HSPG2: variants seen among roughly 807,000 people sequenced by gnomAD.
HSPG2 encodes heparan sulfate proteoglycan 2.
HSPG2 carries 278 observed loss-of-function variants against 526.6 expected under a neutral mutation model. The ratio of observed to expected loss-of-function variants is 0.53; its 90% CI spans 0.48 to 0.58. HSPG2 has a LOEUF of 0.58. Ranked by LOEUF, HSPG2 falls within the 20% of genes least tolerant of loss-of-function variation. The pLI is 0.00. For synonymous variants in HSPG2, 2,465 were observed against 2,555.4 expected, an observed-to-expected ratio of 0.96 and a Z score of 1.07; for missense variants, 5,354 against 6,099.5, an observed-to-expected ratio of 0.88 and a Z score of 4.07.
Position 21,864,319 on chromosome 1 carries a change from C to G in HSPG2, c.4627-106G>C. On this transcript the variant is annotated intron_variant, in intron 36 of 96. Coordinates refer to ENST00000374695, the MANE Select transcript of HSPG2 (RefSeq NM_005529.7). This position sits in a 1 kb window ranked among gnomAD's most constrained non-coding sequence, Gnocchi z 4.8. ...TGTCCTCCCAGGGGTGACCCTGGAA[C>G]ATCACAGGCCGGCGCCCCTCCTTCC... The G allele has an allele frequency of 1.1e-6, 1 of 920,972 alleles. No homozygotes were observed. 57.1% of individuals were successfully genotyped at this position (920,972 alleles called of 1,614,324 possible).
At chr1:21,833,990 C>T (rs2098015878) in intron 77 of HSPG2, 65 bp from the exon 78 acceptor site, 3 of 1,080,752 alleles carry the variant, frequency 2.8e-6, no homozygotes, top group African/African-American at 1.6e-5. Flanking sequence ...CCAGCCTGCA[C>T]CCTGATTCAT....
At position 21,848,732 on chromosome 1, in the gene HSPG2, T is replaced by C. The variant is rs746695036; in HGVS notation, c.7648A>G (p.Thr2550Ala). 6.8e-6 allele frequency: 11 copies of C among 1,613,488 alleles called. No individual in the cohort carries two copies. Among genetic ancestry groups the C allele is most frequent in the Admixed American group, 1.7e-5 (1 of 59,966 alleles). ...GCAACCAGGCAGTTGAGGTCCAGGG[T>C]GTGTCCATTGGCCAGGGAGGCTGAG... ...SSSASLANGHTLDLNCLVASQ... is the reference protein window; with the variant it reads ...SSSASLANGHALDLNCLVASQ... Residue 2550 changes from threonine to alanine, a missense_variant, in exon 59 of 97, where the codon ACC (threonine) becomes GCC (alanine). Physicochemically the swap from Thr to Ala is moderately conservative, Grantham distance 58 (BLOSUM62 0). Transcript: ENST00000374695. This position sits in a 1 kb window ranked among gnomAD's most constrained non-coding sequence, Gnocchi z 4.9.
chr1:21,830,415 G>T (rs958184055), intron 85 of HSPG2: 2 of 395,258 alleles, frequency 5.1e-6, no homozygotes, highest in Non-Finnish European at 9.5e-6. Flanking sequence ...GGCCGGGCGT[G>T]GGGGCTCATG....
chr1:21,900,506 G>A (rs1643040377), intron 1 of HSPG2, among the ~76,000 whole-genome samples: 1 of 152,176 alleles, frequency 6.6e-6, no homozygotes, highest in African/African-American at 2.4e-5. Context: ...TAGGGACAAT[G>A]AATGCAGGCT....
chr1:21,838,747 C>T lies in HSPG2; in HGVS notation c.10150+78G>A, dbSNP rs2098036758. 4.0e-6 allele frequency: 6 copies of T among 1,502,816 alleles called. No homozygotes were observed. The East Asian group carries it at 1.2e-4, about 29-fold the overall frequency. The allele number at this position is 1,502,816 out of a possible 1,614,324, so 93.1% of individuals were successfully genotyped here. ...GGGGTTATGGAGGGAGGCCTTCCCA[C>T]CCGAGTCTGCCTAGCTGGGTCATCA... is the stretch of plus-strand genomic sequence containing the variant. On this transcript the variant is annotated intron_variant, in intron 74 of 96. Transcript: ENST00000374695.
Position 21,865,632 on chromosome 1 carries a change from G to T in HSPG2, c.4314+85C>A. ...TGTGCCAGAAAACTGAGTGCTGGATGGAAAGGACAAAGGACAAATGCCGAG... is the reference window on the plus strand; with the variant it reads ...TGTGCCAGAAAACTGAGTGCTGGATTGAAAGGACAAAGGACAAATGCCGAG... On this transcript the variant is annotated intron_variant, in intron 34 of 96. Coordinates refer to ENST00000374695, the MANE Select transcript of HSPG2 (RefSeq NM_005529.7). The surrounding 1 kb of genome is among the most constrained non-coding windows in gnomAD (Gnocchi z 5.4). The T allele has an allele frequency of 3.4e-6, 4 of 1,176,742 alleles. No homozygotes were observed. In the East Asian group the frequency reaches 9.3e-5, roughly 27 times the overall value. 72.9% of individuals were successfully genotyped at this position (1,176,742 alleles called of 1,614,324 possible). A position where few individuals can be genotyped will look rare whatever the true frequency, so the allele number is the denominator to read the frequency against.
intron 33 of HSPG2, among the ~76,000 whole-genome samples, chr1:21,868,431 GATA>G (rs1640404914): frequency 6.6e-6 from 1 of 152,198 alleles, no homozygotes; most frequent in Admixed American, 6.5e-5. Context: ...CACTCATGAT[GATA>G]ATAATAATGA....
intron 1 of HSPG2, among the ~76,000 whole-genome samples, chr1:21,918,480 A>G (rs1643942896): frequency 6.6e-6 from 1 of 151,930 alleles, no homozygotes. Flanking sequence ...AAAAAAAAAA[A>G]AGGAGGGGTG....
rs368629838 is a variant in HSPG2 at position 21,859,536 on chromosome 1, G to C, written c.5293+30C>G. The stretch of plus-strand genomic sequence containing the variant: ...CCTGCAGCCCAGCCCAGGACAGGCA[G>C]TCTTGGTTACAGGGGGCGTAGGGAC... On this transcript the variant is annotated intron_variant, in intron 42 of 96. Transcript: ENST00000374695. This position sits in a 1 kb window ranked among gnomAD's most constrained non-coding sequence, Gnocchi z 5.3. The C allele has an allele frequency of 4.0e-5, 61 of 1,511,928 alleles. No individual in the cohort carries two copies. In the African/African-American group the frequency reaches 7.3e-4, roughly 18 times the overall value. 93.7% of individuals were successfully genotyped at this position (1,511,928 alleles called of 1,614,324 possible).
chr1:21,837,313 G>A (rs1027398118), intron 74 of HSPG2, among the ~76,000 whole-genome samples: 16 of 152,122 alleles, frequency 1.1e-4, no homozygotes, highest in African/African-American at 3.4e-4. Flanking sequence ...ACGGAGTCTC[G>A]CTCTGTTCCC....
intron 80 of HSPG2, 93 bp from the exon 81 acceptor site, chr1:21,832,699 C>G (rs1336964633): frequency 5.5e-6 from 5 of 911,236 alleles, no homozygotes; most frequent in Middle Eastern, 3.2e-4. Context: ...TTGAGCCTGT[C>G]CACTCTCGGA....
intron 1 of HSPG2, among the ~76,000 whole-genome samples, chr1:21,916,182 T>G (rs1487059179): frequency 6.8e-6 from 1 of 147,310 alleles, no homozygotes; most frequent in African/African-American, 2.5e-5. Flanking sequence ...CTGGCCAACA[T>G]AGTGAAACTC....
At chr1:21,923,375 C>T (rs1300439943) in intron 1 of HSPG2, among the ~76,000 whole-genome samples, 1 of 151,976 alleles carries the variant, frequency 6.6e-6, no homozygotes, top group Non-Finnish European at 1.5e-5. Context: ...CATTGCACCC[C>T]AGCCTGGGCG....
Position 21,834,697 on chromosome 1 carries a change from C to T in HSPG2, c.10702G>A (p.Val3568Ile), listed in dbSNP as rs115616224. The T allele has an allele frequency of 1.8e-3, 2,939 of 1,614,160 alleles. 31 individuals are homozygous for T. The African/African-American group carries it at 0.029, about 16-fold the overall frequency. The stretch of plus-strand genomic sequence containing the variant: ...CCTTCACCTTGCACAAGCAGCAGGA[C>T]GTGGGATTGTGTGGTGCCAGCTGCG... ...TNAAGTTQSH[V>I]LLLVQALPQI... Residue 3568 changes from valine (V) to isoleucine (I), a missense_variant, in exon 77 of 97, where the codon GTC becomes ATC. Coordinates refer to ENST00000374695, the MANE Select transcript of HSPG2 (RefSeq NM_005529.7).
Position 21,885,002 on chromosome 1 carries a change from C to T in HSPG2, c.1355+11G>A. On this transcript the variant is annotated intron_variant, in intron 11 of 96. Coordinates refer to ENST00000374695, the MANE Select transcript of HSPG2 (RefSeq NM_005529.7). ...TCATTCCCACCCCACCACCTGGGCCCAGAGCCGCACCTGGGATGAGAGGGG... is the reference window on the plus strand; with the variant it reads ...TCATTCCCACCCCACCACCTGGGCCTAGAGCCGCACCTGGGATGAGAGGGG... 9 of 1,613,860 alleles carry T rather than the reference C, an allele frequency of 5.6e-6. No homozygotes were observed. Among genetic ancestry groups the T allele is most frequent in the Non-Finnish European group, 7.6e-6 (9 of 1,179,992 alleles).
In HSPG2 at chr1:21,840,063, C is replaced by T. The variant is rs763748757; in HGVS notation, c.9514-46G>A. ...TGGTTATGTGGGGACTCAGTGGGGA[C>T]GCTGATGTCAGCCCCAGCTCTGGCT... On this transcript the variant is annotated intron_variant, in intron 71 of 96. Transcript: ENST00000374695. The T allele has an allele frequency of 3.1e-5, 48 of 1,541,640 alleles. 1 individual carries two copies. In the Admixed American group the frequency reaches 3.8e-4, roughly 12 times the overall value.
intron 1 of HSPG2, among the ~76,000 whole-genome samples, chr1:21,914,260 C>T (rs34951142): frequency 0.29 from 43,641 of 151,826 alleles, 7,052 homozygotes; most frequent in East Asian, 0.66. Flanking sequence ...GGTGAGGGGA[C>T]GGGGAGTGGC....
At chr1:21,888,201 G>A (rs1044485368) in intron 6 of HSPG2, 135 bp from the exon 7 acceptor site, 6 of 1,154,582 alleles carry the variant, frequency 5.2e-6, no homozygotes, top group Non-Finnish European at 7.5e-6. Flanking sequence ...CACAACGAGG[G>A]CAAGCAGCAC....
intron 57 of HSPG2, 46 bp from the exon 58 acceptor site, chr1:21,849,077 C>A: frequency 1.2e-6 from 2 of 1,601,368 alleles, no homozygotes; most frequent in Non-Finnish European, 1.7e-6. Context: ...CTGGGCACTG[C>A]GGCTCACGCC....
Sources: gnomAD v4.1 joint callset for allele counts (sites outside exome capture counted in the v4.1 genomes callset) on GRCh38, gnomAD v4.1.1 for gene constraint, Gnocchi (gnomAD v3.1) non-coding constraint, MANE v1.5 for transcripts, NCBI Gene and HGNC (gene_info 2026-07-23, HGNC 2026-07-21) for gene names.